The following PCDH15 variants were observed in gnomAD, a reference collection of about 807,000 sequenced individuals.
PCDH15 encodes protocadherin related 15, also known as protocadherin-15.
A neutral mutation model predicts 178.5 loss-of-function variants in PCDH15; 129 were observed. The ratio of observed to expected loss-of-function variants is 0.72; its 90% CI spans 0.63 to 0.84. The LOEUF (loss-of-function observed/expected upper bound fraction) is 0.84, where lower values mean the gene tolerates loss of function less well. Ranked by LOEUF, PCDH15 falls within the 40% of genes least tolerant of loss-of-function variation. The pLI is 0.00. For synonymous variants in PCDH15, 800 were observed against 732.0 expected, an observed-to-expected ratio of 1.09 and a Z score of -1.50; for missense variants, 2,230 against 2,099.9, an observed-to-expected ratio of 1.06 and a Z score of -1.21.
At chr10:54,521,455 T>C (rs2082853773) in intron 3 of PCDH15, among the ~76,000 whole-genome samples, 1 of 152,190 alleles carries the variant, frequency 6.6e-6, no homozygotes, top group African/African-American at 2.4e-5. Flanking sequence ...TTCACCAAAA[T>C]ATATTCAATA....
intron 2 of PCDH15, among the ~76,000 whole-genome samples, chr10:55,580,258 A>G (rs1158159552): frequency 1.3e-5 from 2 of 151,992 alleles, no homozygotes; most frequent in Admixed American, 1.3e-4. Context: ...ATGTTTTAAG[A>G]CCTATATGTT....
At chr10:54,926,663 T>C (rs1837635774) in intron 2 of PCDH15, among the ~76,000 whole-genome samples, 1 of 152,102 alleles carries the variant, frequency 6.6e-6, no homozygotes, top group South Asian at 2.1e-4. Flanking sequence ...ATTAAATTTC[T>C]TCCTGGTTCA....
intron 1 of PCDH15, among the ~76,000 whole-genome samples, chr10:54,668,848 C>G (rs2094612512): frequency 6.6e-6 from 1 of 152,170 alleles, no homozygotes; most frequent in Non-Finnish European, 1.5e-5. Flanking sequence ...ATGAAGCAAG[C>G]TGGAGTCTCA....
At chr10:55,005,860 A>T (rs1158769163) in intron 2 of PCDH15, among the ~76,000 whole-genome samples, 2 of 152,120 alleles carry the variant, frequency 1.3e-5, no homozygotes, top group Admixed American at 6.5e-5. Flanking sequence ...AAAACAAAAC[A>T]AAACAATGGT....
chr10:55,185,096 A>G (rs1188618803), intron 1 of PCDH15, among the ~76,000 whole-genome samples: 1 of 151,876 alleles, frequency 6.6e-6, no homozygotes, highest in Non-Finnish European at 1.5e-5. Context: ...TTTTTGAAGC[A>G]CAGAGTCATA....
chr10:55,004,881 T>C (rs1839886678), intron 2 of PCDH15, among the ~76,000 whole-genome samples: 1 of 152,068 alleles, frequency 6.6e-6, no homozygotes, highest in Non-Finnish European at 1.5e-5. Context: ...TGGGGATAGT[T>C]CCAGTATTAA....
At chr10:54,062,159 G>T (rs1243447353) in intron 18 of PCDH15, among the ~76,000 whole-genome samples, 4 of 143,548 alleles carry the variant, frequency 2.8e-5, no homozygotes, top group African/African-American at 1.1e-4. Context: ...GGCGGCAGAG[G>T]TTGCAGTGAG....
intron 8 of PCDH15, among the ~76,000 whole-genome samples, chr10:54,300,536 C>A (rs747152938): frequency 6.6e-6 from 1 of 152,172 alleles, no homozygotes; most frequent in Admixed American, 6.5e-5. Flanking sequence ...GCCCCTTCTT[C>A]GCCCCTATCC....
chr10:54,229,989 G>T (rs1395250264), intron 9 of PCDH15, among the ~76,000 whole-genome samples: 1 of 151,942 alleles, frequency 6.6e-6, no homozygotes, highest in Non-Finnish European at 1.5e-5. Flanking sequence ...CTTAAATCTG[G>T]GCAGGAATTG....
rs145079807 is a variant in PCDH15 at position 54,997,501 on chromosome 10, T to G, written c.-79-100001A>C. ...AGCATACATTTTCATCTGGGTTTTA[T>G]ATTTGTCTTTGCTAGATATTTTGAA... On this transcript the variant is annotated intron_variant, in intron 2 of 5. Transcript: ENST00000458638. Among the ~76,000 whole-genome samples the G allele has an allele frequency of 1.2e-3, 188 of 152,322 alleles. 1 individual carries two copies. The highest frequency in any genetic ancestry group is 4.2e-3 in the African/African-American group (176 of 41,584).
chr10:54,805,657 G>A (rs1952767820), upstream of PCDH15, among the ~76,000 whole-genome samples: 1 of 152,116 alleles, frequency 6.6e-6, no homozygotes, highest in African/African-American at 2.4e-5. Flanking sequence ...CAACTTGAGG[G>A]ATAAGGAACA....
Position 54,775,990 on chromosome 10 carries a change from T to G in PCDH15, c.-29+24935A>C, listed in dbSNP as rs115566323. Among the ~76,000 whole-genome samples, 732 of 152,310 alleles carry G rather than the reference T, an allele frequency of 4.8e-3. 6 individuals are homozygous for G. Among genetic ancestry groups the G allele is most frequent in the African/African-American group, 0.017 (701 of 41,570 alleles). ...TGTTTTGCATTTTACTTCTATGAGATCAACTTATTTTAGCTTCTGCATATG... is the reference window on the plus strand; with the variant it reads ...TGTTTTGCATTTTACTTCTATGAGAGCAACTTATTTTAGCTTCTGCATATG... On this transcript the variant is annotated intron_variant, in intron 1 of 37. Coordinates refer to ENST00000644397, the MANE Select transcript of PCDH15 (RefSeq NM_001384140.1).
At chr10:53,845,327 A>G (rs917463486) in intron 28 of PCDH15, among the ~76,000 whole-genome samples, 1 of 151,932 alleles carries the variant, frequency 6.6e-6, no homozygotes. Context: ...AGGTTCCTCA[A>G]AAAACTAAAA....
chr10:54,105,343 C>T (rs567745903), intron 15 of PCDH15, among the ~76,000 whole-genome samples: 1,784 of 144,446 alleles, frequency 0.012, 45 homozygotes, highest in African/African-American at 0.03. Context: ...TATATATACA[C>T]ACACACACAC....
At chr10:55,126,906 CAA>C (rs67392937) in intron 2 of PCDH15, among the ~76,000 whole-genome samples, 115,570 of 150,518 alleles carry the variant, frequency 0.77, 46,057 homozygotes, top group Non-Finnish European at 0.89. Context: ...TCTGGATTTG[CAA>C]AAAAAAAAAA....
chr10:54,142,829 G>A (rs2043534939), intron 14 of PCDH15, among the ~76,000 whole-genome samples: 1 of 152,248 alleles, frequency 6.6e-6, no homozygotes, highest in Admixed American at 6.5e-5. Context: ...GGGAGAGACA[G>A]AATAAGTTGG....
At chr10:55,111,519 C>CAGAGATAT in intron 2 of PCDH15, among the ~76,000 whole-genome samples, 1 of 151,706 alleles carries the variant, frequency 6.6e-6, no homozygotes, top group East Asian at 1.9e-4. Context: ...ATTGGGAGTC[C>CAGAGATAT]AGAGATACTA....
intron 1 of PCDH15, among the ~76,000 whole-genome samples, chr10:55,261,903 A>T (rs1240905097): frequency 6.6e-6 from 1 of 152,006 alleles, no homozygotes; most frequent in Non-Finnish European, 1.5e-5. Flanking sequence ...ACGAAGGAAA[A>T]CTTGGTCCTC....
At chr10:54,189,369 C>T (rs1202463762) in intron 11 of PCDH15, 2 of 1,572,918 alleles carry the variant, frequency 1.3e-6, no homozygotes, top group South Asian at 2.4e-5. Context: ...CCTACAGGAA[C>T]TCCACTGGGT....
Sources: allele counts gnomAD v4.1 joint callset (sites outside exome capture counted in the v4.1 genomes callset), GRCh38; gene constraint gnomAD v4.1.1; transcripts MANE v1.5; gene names NCBI Gene and HGNC (gene_info 2026-07-23, HGNC 2026-07-21).